IGFL2: variants seen among roughly 807,000 people sequenced by gnomAD.
The protein encoded by IGFL2 is insulin growth factor-like family member 2.
In IGFL2, 7 loss-of-function variants were observed where a neutral mutation model predicts 13.9. The ratio of observed to expected loss-of-function variants is 0.51; its 90% CI spans 0.29 to 0.95. IGFL2 has a LOEUF of 0.95. IGFL2 is among the 40% of genes least tolerant of loss of function. The pLI is 0.08. For missense variants in IGFL2, 138 were observed against 147.8 expected (o/e 0.93, Z 0.34); for synonymous variants, 55 against 55.8 (o/e 0.99, Z 0.07).
chr19:46,141,619 A>G (rs946133122), upstream of IGFL2, among the ~76,000 whole-genome samples: 1 of 152,052 alleles, frequency 6.6e-6, no homozygotes, highest in Non-Finnish European at 1.5e-5. Context: ...AGAAACACCC[A>G]AAACAGGCTT....
At chr19:46,150,073 G>A (rs1973392083) in intron 1 of IGFL2, among the ~76,000 whole-genome samples, 1 of 152,094 alleles carries the variant, frequency 6.6e-6, no homozygotes, top group Non-Finnish European at 1.5e-5. Context: ...CAGTCATCTG[G>A]GTGGGTGGGT....
chr19:46,158,402 G>A (rs1157945919), intron 1 of IGFL2, among the ~76,000 whole-genome samples: 1 of 151,882 alleles, frequency 6.6e-6, no homozygotes, highest in Non-Finnish European at 1.5e-5. Flanking sequence ...GTAGAGATGG[G>A]GTTTCACCCT....
chr19:46,112,887 G>A, the IGFL2 span: 1 of 152,204 alleles, frequency 6.6e-6, no homozygotes, highest in Non-Finnish European at 1.5e-5. Flanking sequence ...TAGAGCTGCT[G>A]CTCAGAGTGG....
the IGFL2 span, chr19:46,137,398 C>T: frequency 9.4e-6 from 10 of 1,065,316 alleles, no homozygotes; most frequent in East Asian, 2.4e-4. Context: ...GCTGGGACAA[C>T]AGTGCTTTTT....
intron 1 of IGFL2, 73 bp downstream of exon 1, chr19:46,148,370 A>T: frequency 7.9e-7 from 1 of 1,266,428 alleles, no homozygotes; most frequent in South Asian, 1.3e-5. Context: ...CCTCAAACTT[A>T]ATTCTCTCTT....
chr19:46,110,139 A>G, the IGFL2 span, among the ~76,000 whole-genome samples: 1 of 152,232 alleles, frequency 6.6e-6, no homozygotes, highest in African/African-American at 2.4e-5. Context: ...GGGGCCACAT[A>G]GCAAGAGACA....
At chr19:46,207,959 G>A in the IGFL2 span, 2 of 152,204 alleles carry the variant, frequency 1.3e-5, no homozygotes. Context: ...TCACCACTGC[G>A]CTAACCACCC....
At chr19:46,079,185 C>T in the IGFL2 span, among the ~76,000 whole-genome samples, 5 of 152,378 alleles carry the variant, frequency 3.3e-5, no homozygotes, top group African/African-American at 1.2e-4. Context: ...ATGTTTTCGT[C>T]GCAGTAACTG....
At position 46,160,600 on chromosome 19, in the gene IGFL2, G is replaced by C. The variant is rs747955406; in HGVS notation, c.74-14G>C. On this transcript the variant is annotated splice_polypyrimidine_tract_variant and intron_variant, in intron 2 of 3. Transcript: ENST00000377693. Reference sequence around the variant, plus strand: ...CCTTGAGCTCACACCAACAATGTCTGTCCATCTGTCCAGCTCCCGCTGGCT... The same window carrying C: ...CCTTGAGCTCACACCAACAATGTCTCTCCATCTGTCCAGCTCCCGCTGGCT... 3.7e-6 allele frequency: 6 copies of C among 1,613,850 alleles called. No homozygotes were observed. The East Asian group carries it at 1.3e-4, about 36-fold the overall frequency.
the IGFL2 span, among the ~76,000 whole-genome samples, chr19:46,096,423 G>C: frequency 6.6e-6 from 1 of 152,142 alleles, no homozygotes; most frequent in Non-Finnish European, 1.5e-5. Flanking sequence ...CTTTTGGGCT[G>C]AGACAATGGG....
chr19:46,092,461 C>A, the IGFL2 span, among the ~76,000 whole-genome samples: 1 of 151,798 alleles, frequency 6.6e-6, no homozygotes, highest in African/African-American at 2.4e-5. Flanking sequence ...TAAAACCCTG[C>A]CTGTACCAAA....
the IGFL2 span, among the ~76,000 whole-genome samples, chr19:46,132,940 G>A: frequency 6.6e-6 from 1 of 152,120 alleles, no homozygotes; most frequent in Non-Finnish European, 1.5e-5. Flanking sequence ...CTAAGGATTA[G>A]GAGAGGAGAG....
chr19:46,211,153 C>G, the IGFL2 span, among the ~76,000 whole-genome samples: 9 of 152,202 alleles, frequency 5.9e-5, no homozygotes, highest in Non-Finnish European at 1.0e-4. Context: ...TCCTGGTTGG[C>G]AAACCCTGGG....
downstream of IGFL2, among the ~76,000 whole-genome samples, chr19:46,166,182 C>T (rs894696901): frequency 2.0e-5 from 3 of 152,086 alleles, no homozygotes; most frequent in Admixed American, 6.5e-5. Context: ...GGACCTGCCC[C>T]GATAATCACA....
the IGFL2 span, among the ~76,000 whole-genome samples, chr19:46,088,140 C>T: frequency 6.6e-6 from 1 of 152,202 alleles, no homozygotes; most frequent in East Asian, 1.9e-4. Flanking sequence ...TCCTTCCTTG[C>T]TTTTGGTGCC....
At chr19:46,126,741 A>G in the IGFL2 span, among the ~76,000 whole-genome samples, 53 of 152,348 alleles carry the variant, frequency 3.5e-4, no homozygotes, top group African/African-American at 1.3e-3. Flanking sequence ...ATTTAAAATG[A>G]CAGTTACACT....
the IGFL2 span, among the ~76,000 whole-genome samples, chr19:46,117,165 A>T: frequency 6.6e-6 from 1 of 152,206 alleles, no homozygotes; most frequent in East Asian, 1.9e-4. Context: ...AGCTAAGCCT[A>T]TTCAGTAAGT....
chr19:46,130,422 A>G, the IGFL2 span, among the ~76,000 whole-genome samples: 1,155 of 152,290 alleles, frequency 7.6e-3, 17 homozygotes, highest in African/African-American at 0.027. Context: ...TTTGATAAAT[A>G]TTTTAGTTCC....
chr19:46,195,549 A>G, the IGFL2 span, among the ~76,000 whole-genome samples: 28 of 152,224 alleles, frequency 1.8e-4, no homozygotes, highest in African/African-American at 4.6e-4. Flanking sequence ...GCTTATATAC[A>G]CGCAAAGACA....
Sources: gnomAD v4.1 joint callset for allele counts (sites outside exome capture counted in the v4.1 genomes callset) on GRCh38, gnomAD v4.1.1 for gene constraint, MANE v1.5 for transcripts, NCBI Gene and HGNC (gene_info 2026-07-23, HGNC 2026-07-21) for gene names.